The following RASL10B variants were observed in gnomAD, a reference collection of about 807,000 sequenced individuals.
RASL10B encodes RAS like family 10 member B.
A neutral mutation model predicts 20.7 loss-of-function variants in RASL10B; 10 were observed. That is an observed-to-expected ratio of 0.48 (90% CI 0.30 to 0.82). RASL10B has a LOEUF of 0.82. Among genes scored for constraint, RASL10B ranks in the 40% least tolerant of loss-of-function variants. The pLI, the probability that RASL10B is intolerant of heterozygous loss-of-function variation, is 0.07. For synonymous variants in RASL10B, 110 were observed against 123.3 expected, an observed-to-expected ratio of 0.89 and a Z score of 0.72; for missense variants, 231 against 295.4, an observed-to-expected ratio of 0.78 and a Z score of 1.60.
chr17:35,733,892 C>T (rs2085574192), intron 1 of RASL10B, among the ~76,000 whole-genome samples: 1 of 152,246 alleles, frequency 6.6e-6, no homozygotes, highest in African/African-American at 2.4e-5. Context: ...AAGGCCCAAA[C>T]CCCTAGCAGC....
chr17:35,740,276 TG>T, intron 2 of RASL10B, 132 bp from the exon 3 acceptor site: 2 of 1,172,492 alleles, frequency 1.7e-6, no homozygotes, highest in Non-Finnish European at 1.2e-6. Flanking sequence ...CCTGGTCTCC[TG>T]GGGATGGTCG....
chr17:35,736,658 C>T (rs2085594348), intron 2 of RASL10B: 1 of 152,298 alleles, frequency 6.6e-6, no homozygotes, highest in Non-Finnish European at 1.5e-5. Flanking sequence ...CAAGCCTACA[C>T]ACTGAGCTTT....
At chr17:35,736,506 A>C (rs2085592855) in intron 2 of RASL10B, among the ~76,000 whole-genome samples, 1 of 152,182 alleles carries the variant, frequency 6.6e-6, no homozygotes, top group Non-Finnish European at 1.5e-5. Context: ...GGTCAGGAGG[A>C]AAGATGGAAG....
chr17:35,732,308 C>A (rs1568086824), intron 1 of RASL10B, among the ~76,000 whole-genome samples: 1 of 152,224 alleles, frequency 6.6e-6, no homozygotes, highest in Admixed American at 6.5e-5. Flanking sequence ...GGGACGGAAC[C>A]AGGCTTCGCC....
At chr17:35,734,290 T>C (rs1555596764) in intron 1 of RASL10B, among the ~76,000 whole-genome samples, 3 of 152,172 alleles carry the variant, frequency 2.0e-5, no homozygotes, top group African/African-American at 7.2e-5. Flanking sequence ...TACTGCGACA[T>C]CGTAGAAAGG....
chr17:35,732,085 G>C (rs937244856), intron 1 of RASL10B, among the ~76,000 whole-genome samples: 1 of 152,104 alleles, frequency 6.6e-6, no homozygotes, highest in African/African-American at 2.4e-5. Flanking sequence ...CCTGCAAGGT[G>C]CTGGAGGCGG....
At chr17:35,737,765 T>A (rs187111165) in intron 2 of RASL10B, among the ~76,000 whole-genome samples, 2 of 151,968 alleles carry the variant, frequency 1.3e-5, no homozygotes, top group African/African-American at 4.8e-5. Context: ...TAGCCAGGCA[T>A]GGTGCTCCAT....
At chr17:35,736,341 C>T (rs587598410) in intron 2 of RASL10B, among the ~76,000 whole-genome samples, 1 of 152,328 alleles carries the variant, frequency 6.6e-6, no homozygotes, top group Non-Finnish European at 1.5e-5. Flanking sequence ...AAGGCTCGTC[C>T]AGGTGTAACT....
intron 1 of RASL10B, among the ~76,000 whole-genome samples, chr17:35,733,220 C>A (rs782367510): frequency 6.6e-6 from 1 of 152,064 alleles, no homozygotes; most frequent in Non-Finnish European, 1.5e-5. Flanking sequence ...CCTGGGATTG[C>A]TAGGAGGTTC....
rs1555597716 is a variant in RASL10B at position 35,740,403 on chromosome 17, T to C, written c.217-6T>C. The C allele has an allele frequency of 6.2e-7, 1 of 1,612,972 alleles. No individual in the cohort carries two copies. The highest frequency in any genetic ancestry group is 2.2e-5 in the East Asian group (1 of 44,854). On this transcript the variant is annotated splice_polypyrimidine_tract_variant and splice_region_variant and intron_variant, in intron 2 of 3. Coordinates refer to ENST00000603017, the MANE Select transcript of RASL10B (RefSeq NM_033315.4). ...CTGACCCTGGTACTGGCTGGGGATATTGCAGGAGTGGGCAGACACCTGCTG... is the reference window on the plus strand; with the variant it reads ...CTGACCCTGGTACTGGCTGGGGATACTGCAGGAGTGGGCAGACACCTGCTG...
At chr17:35,737,664 G>A (rs1555597387) in intron 2 of RASL10B, among the ~76,000 whole-genome samples, 4 of 151,782 alleles carry the variant, frequency 2.6e-5, no homozygotes, top group Non-Finnish European at 5.9e-5. Context: ...CACTTTGAGA[G>A]GCTGAGGCAG....
In RASL10B at chr17:35,735,336, A is replaced by T; in HGVS notation, c.152A>T (p.His51Leu). ...LYLPAVVMNG[H>L]VHDLQILDFP... is the part of the protein sequence containing the mutation. ...CTGCCTGCTGTCGTCATGAACGGCC[A>T]CGTGCACGACCTCCAGATCCTCGAC... is the stretch of plus-strand genomic sequence containing the variant. The change falls in exon 2 of 4, where the codon CAC becomes CTC. Residue 51 changes from histidine (H) to leucine (L), a missense_variant. Transcript: ENST00000603017. The surrounding 1 kb of genome is among the most constrained non-coding windows in gnomAD (Gnocchi z 6.7). 5.0e-6 allele frequency: 8 copies of T among 1,614,148 alleles called. No homozygotes were observed. Among genetic ancestry groups the T allele is most frequent in the Non-Finnish European group, 6.8e-6 (8 of 1,180,032 alleles).
intron 3 of RASL10B, 90 bp downstream of exon 3, chr17:35,740,623 G>A (rs587647589): frequency 3.5e-6 from 5 of 1,423,248 alleles, no homozygotes; most frequent in South Asian, 2.5e-5. Flanking sequence ...TAGGGACACA[G>A]ATAGAGGTAT....
intron 2 of RASL10B, among the ~76,000 whole-genome samples, chr17:35,739,085 A>G (rs2085612510): frequency 6.6e-6 from 1 of 152,238 alleles, no homozygotes; most frequent in South Asian, 2.1e-4. Context: ...CTCAGCACAA[A>G]GAAAAGATGC....
Position 35,735,414 on chromosome 17 carries a change from G to C in RASL10B, c.216+14G>C, listed in dbSNP as rs1555597066. ...AATACGCTCCAGGTAGGAGGACCCT[G>C]GGGGGCATGGGTTAGTGGGGAAACG... On this transcript the variant is annotated intron_variant, in intron 2 of 3. Coordinates refer to ENST00000603017, the MANE Select transcript of RASL10B (RefSeq NM_033315.4). This position sits in a 1 kb window ranked among gnomAD's most constrained non-coding sequence, Gnocchi z 6.7. The C allele has an allele frequency of 6.2e-7, 1 of 1,611,942 alleles. No homozygotes were observed.
At chr17:35,740,287 G>A (rs11871358) in intron 2 of RASL10B, 122 bp from the exon 3 acceptor site, 199,030 of 1,280,428 alleles carry the variant, frequency 0.16, 17,190 homozygotes, top group South Asian at 0.22. Context: ...GGGGATGGTC[G>A]GGTATGGAAG....
At chr17:35,736,733 AT>A (rs1555597265) in intron 2 of RASL10B, 3 of 151,850 alleles carry the variant, frequency 2.0e-5, no homozygotes, top group Non-Finnish European at 1.5e-5. Flanking sequence ...CTCTTATCGA[AT>A]TTTTCTTTCT....
rs2085625666 is a variant in RASL10B, at chr17:35,741,056, G to A, written c.363G>A (p.Thr121=). The change falls in exon 4 of 4, where the codon ACG becomes ACA. Residue 121 remains threonine, a synonymous_variant. Transcript: ENST00000603017. ...ACAGGGTGATCGGAACCTCAGAGAC[G>A]CCCATCATCATCGTGGGCAACAAGC... ...LETRVIGTSE[T]PIIIVGNKRD... 1.2e-6 allele frequency: 2 copies of A among 1,606,720 alleles called. No individual in the cohort carries two copies. Among genetic ancestry groups the A allele is most frequent in the African/African-American group, 1.3e-5 (1 of 74,892 alleles).
Position 35,735,416 on chromosome 17 carries a change from G to A in RASL10B, c.216+16G>A. The A allele has an allele frequency of 1.2e-6, 2 of 1,612,028 alleles. No individual in the cohort carries two copies. The highest frequency in any genetic ancestry group is 1.7e-6 in the Non-Finnish European group (2 of 1,178,294). ...TACGCTCCAGGTAGGAGGACCCTGG[G>A]GGGCATGGGTTAGTGGGGAAACGGA... is the stretch of plus-strand genomic sequence containing the variant. On this transcript the variant is annotated intron_variant, in intron 2 of 3. Coordinates refer to ENST00000603017, the MANE Select transcript of RASL10B (RefSeq NM_033315.4). This position sits in a 1 kb window ranked among gnomAD's most constrained non-coding sequence, Gnocchi z 6.7.
Sources: gnomAD v4.1 joint callset for allele counts (sites outside exome capture counted in the v4.1 genomes callset) on GRCh38, gnomAD v4.1.1 for gene constraint, Gnocchi (gnomAD v3.1) non-coding constraint, MANE v1.5 for transcripts, NCBI Gene and HGNC (gene_info 2026-07-23, HGNC 2026-07-21) for gene names.